The following DENND1A variants were observed in gnomAD, a reference collection of about 807,000 sequenced individuals.
DENND1A encodes the protein DENN domain-containing protein 1A.
Under a neutral mutation model 113.7 loss-of-function variants are expected in DENND1A, and 51 were observed. The ratio of observed to expected loss-of-function variants is 0.45; its 90% CI spans 0.36 to 0.57. The LOEUF (loss-of-function observed/expected upper bound fraction) is 0.57. Among genes scored for constraint, DENND1A ranks in the 20% least tolerant of loss-of-function variants. The pLI, the probability that DENND1A is intolerant of heterozygous loss-of-function variation, is 0.00. For missense variants in DENND1A, 1,258 were observed against 1,395.9 expected (o/e 0.90, Z 1.57); for synonymous variants, 565 against 570.8 (o/e 0.99, Z 0.14).
chr9:123,381,914 T>A lies in DENND1A; in HGVS notation c.2731A>T (p.Thr911Ser). The part of the protein sequence containing the change: ...AAPPTLPLVS[T>S]PAGPFGAPPA... Reference sequence around the variant, plus strand: ...GGGGCCCCGAAAGGCCCGGCTGGTGTGGAGACCAGGGGCAGGGTGGGTGGG... The same window carrying A: ...GGGGCCCCGAAAGGCCCGGCTGGTGAGGAGACCAGGGGCAGGGTGGGTGGG... Residue 911 changes from threonine (T) to serine (S), a missense_variant, in exon 24 of 24, where the codon ACA becomes TCA. Physicochemically the swap from Thr to Ser is moderately conservative, Grantham distance 58. This residue lies in a region of DENND1A where 1,159 missense variants were observed against 1,231.7 expected (regional missense o/e 0.94). Coordinates refer to ENST00000394215, the MANE Select transcript of DENND1A (RefSeq NM_001352964.2). The surrounding 1 kb of genome is among the most constrained non-coding windows in gnomAD (Gnocchi z 4.7). 1 of 715,892 alleles carries A rather than the reference T, an allele frequency of 1.4e-6. No homozygotes were observed. The highest frequency in any genetic ancestry group is 1.7e-6 in the Non-Finnish European group (1 of 593,500). The allele number at this position is 715,892 out of a possible 1,614,324, so 44.3% of individuals were successfully genotyped here. A position where few individuals can be genotyped will look rare whatever the true frequency, so the allele number is the denominator to read the frequency against.
At chr9:123,566,184 A>G (rs2058042291) in intron 12 of DENND1A, among the ~76,000 whole-genome samples, 2 of 152,252 alleles carry the variant, frequency 1.3e-5, no homozygotes, top group African/African-American at 2.4e-5. Flanking sequence ...ACCAAATTAG[A>G]TATGTCCATG....
chr9:123,648,794 G>A (rs896056463), intron 9 of DENND1A, among the ~76,000 whole-genome samples: 1 of 151,940 alleles, frequency 6.6e-6, no homozygotes, highest in African/African-American at 2.4e-5. Flanking sequence ...TGATCCATTT[G>A]GAATTTATTT....
intron 3 of DENND1A, 49 bp downstream of exon 3, chr9:123,792,538 A>G: frequency 6.3e-7 from 1 of 1,585,802 alleles, no homozygotes; most frequent in Non-Finnish European, 8.6e-7. Context: ...ATGTTGAACA[A>G]CTCTGAAATA....
chr9:123,732,288 C>T (rs752382178), intron 5 of DENND1A, among the ~76,000 whole-genome samples: 11 of 152,168 alleles, frequency 7.2e-5, no homozygotes, highest in Non-Finnish European at 1.6e-4. Context: ...CCCAAACAAC[C>T]TAAATGTCCT....
intron 17 of DENND1A, among the ~76,000 whole-genome samples, chr9:123,451,696 G>A (rs1277420433): frequency 6.6e-6 from 1 of 152,192 alleles, no homozygotes; most frequent in African/African-American, 2.4e-5. Flanking sequence ...GAGGCAGGGT[G>A]CAGCCACCTA....
At chr9:123,703,043 G>A (rs58139942) in intron 5 of DENND1A, among the ~76,000 whole-genome samples, 27,948 of 151,990 alleles carry the variant, frequency 0.18, 2,758 homozygotes, top group African/African-American at 0.27. Context: ...GTGTAGTGGC[G>A]CGATCTCGGC....
chr9:123,433,326 C>T (rs1178496020), intron 19 of DENND1A, among the ~76,000 whole-genome samples: 3 of 152,178 alleles, frequency 2.0e-5, no homozygotes, highest in African/African-American at 7.2e-5. Flanking sequence ...CTCATTGTCT[C>T]CAGGAACTGA....
chr9:123,626,611 C>T (rs1447239618), intron 10 of DENND1A, among the ~76,000 whole-genome samples: 1 of 152,122 alleles, frequency 6.6e-6, no homozygotes. Flanking sequence ...TCTGCCCAGC[C>T]CTCAAGCTTT....
intron 5 of DENND1A, among the ~76,000 whole-genome samples, chr9:123,689,433 A>G (rs1330058515): frequency 6.6e-6 from 1 of 152,230 alleles, no homozygotes; most frequent in Non-Finnish European, 1.5e-5. Context: ...AGAAAAATGT[A>G]CGCATGAATC....
intron 20 of DENND1A, 115 bp from the exon 21 acceptor site, chr9:123,403,605 AGCTACAG>A (rs2043687265): frequency 5.5e-6 from 5 of 916,694 alleles, no homozygotes; most frequent in Middle Eastern, 2.3e-4. Flanking sequence ...GGATTTTCAA[AGCTACAG>A]GCTACAAAAG....
chr9:123,570,407 G>A (rs1344338043), intron 12 of DENND1A, among the ~76,000 whole-genome samples: 1 of 152,172 alleles, frequency 6.6e-6, no homozygotes, highest in Non-Finnish European at 1.5e-5. Context: ...CCATATTATG[G>A]AGCCTGAATT....
intron 2 of DENND1A, among the ~76,000 whole-genome samples, 177 bp from the exon 3 acceptor site, chr9:123,792,807 C>G (rs1401937423): frequency 6.6e-6 from 1 of 152,158 alleles, no homozygotes; most frequent in Non-Finnish European, 1.5e-5. Flanking sequence ...TCCCATTACC[C>G]TCCTCCAGAA....
intron 21 of DENND1A, among the ~76,000 whole-genome samples, chr9:123,392,560 T>A (rs2042913606): frequency 1.3e-5 from 2 of 152,206 alleles, no homozygotes; most frequent in Admixed American, 1.3e-4. Context: ...AGGTCCTGCC[T>A]GTCCGGTGGG....
chr9:123,879,925 G>A (rs747988254), intron 1 of DENND1A, among the ~76,000 whole-genome samples: 2 of 152,052 alleles, frequency 1.3e-5, no homozygotes, highest in Non-Finnish European at 2.9e-5. Context: ...GATTCAATGG[G>A]CCTTCACCTG....
chr9:123,382,516 G>T lies in DENND1A; in HGVS notation c.2129C>A (p.Pro710His), dbSNP rs2042332093. 6.2e-7 allele frequency: 1 copy of T among 1,613,998 alleles called. No individual in the cohort carries two copies. The highest frequency in any genetic ancestry group is 1.3e-5 in the African/African-American group (1 of 74,938). ...AGGGGAGGCAGCTGGGGGCTTGCTG[G>T]GGATGGCCATGTCGTCCTGGCCCAG... Reference protein sequence around the residue: ...WSLGQDDMAIPSKPPAASPEK... With the variant: ...WSLGQDDMAIHSKPPAASPEK... Residue 710 changes from proline (P) to histidine (H), a missense_variant, in exon 24 of 24, where the codon CCC (proline) becomes CAC (histidine). By Grantham distance (77) the Pro-to-His change is moderately conservative (BLOSUM62 -2). Coordinates refer to ENST00000394215, the MANE Select transcript of DENND1A (RefSeq NM_001352964.2).
chr9:123,742,200 G>A (rs1389751183), intron 5 of DENND1A, among the ~76,000 whole-genome samples: 1 of 151,732 alleles, frequency 6.6e-6, no homozygotes, highest in African/African-American at 2.4e-5. Flanking sequence ...AAGAAGGCCT[G>A]CTGGTTAAGG....
At chr9:123,496,680 G>A (rs2134115670) in intron 13 of DENND1A, among the ~76,000 whole-genome samples, 1 of 152,314 alleles carries the variant, frequency 6.6e-6, no homozygotes, top group East Asian at 1.9e-4. Context: ...CAAATATCCT[G>A]TGAATCGGAC....
rs758773031 is a variant in DENND1A at position 123,408,755 on chromosome 9, G to A, written c.1542+3021C>T. 1.2e-4 allele frequency among the ~76,000 whole-genome samples: 19 copies of A among 152,284 alleles called. No homozygotes were observed. In the Middle Eastern group the frequency reaches 0.01, roughly 82 times the overall value. ...GTGTCTCTCACAGCGTCTGTCTCCC[G>A]AGTCCTCAGTTGCCAATGGATGTGG... is the stretch of plus-strand genomic sequence containing the variant. On this transcript the variant is annotated intron_variant, in intron 20 of 23. Coordinates refer to ENST00000394215, the MANE Select transcript of DENND1A (RefSeq NM_001352964.2).
chr9:123,802,251 C>T (rs1834796735), intron 2 of DENND1A, among the ~76,000 whole-genome samples: 3 of 152,184 alleles, frequency 2.0e-5, no homozygotes, highest in Admixed American at 6.5e-5. Context: ...TTCTTCCCTA[C>T]CTCTCCGCCC....
Sources: allele counts gnomAD v4.1 joint callset (sites outside exome capture counted in the v4.1 genomes callset), GRCh38; gene constraint gnomAD v4.1.1; regional missense constraint gnomAD v4.1.1; non-coding constraint Gnocchi (gnomAD v3.1); transcripts MANE v1.5; gene names NCBI Gene and HGNC (gene_info 2026-07-23, HGNC 2026-07-21).